Variants in PTPRZ1 observed in about 807,000 individuals in gnomAD.
PTPRZ1 encodes the protein protein tyrosine phosphatase receptor type Z1, also known as receptor-type tyrosine-protein phosphatase zeta.
PTPRZ1 carries 82 observed loss-of-function variants against 214.1 expected under a neutral mutation model. The ratio of observed to expected loss-of-function variants is 0.38; its 90% CI spans 0.32 to 0.46. The LOEUF is 0.46. PTPRZ1 is among the 20% of genes least tolerant of loss of function. The pLI, the probability that PTPRZ1 is intolerant of heterozygous loss-of-function variation, is 1.00. For synonymous variants in PTPRZ1, 945 were observed against 987.9 expected, an observed-to-expected ratio of 0.96 and a Z score of 0.81; for missense variants, 2,603 against 2,748.7, an observed-to-expected ratio of 0.95 and a Z score of 1.19.
At chr7:121,912,405 AC>A (rs1795305518) in intron 1 of PTPRZ1, among the ~76,000 whole-genome samples, 1 of 152,148 alleles carries the variant, frequency 6.6e-6, no homozygotes, top group Admixed American at 6.6e-5. Context: ...ATGAGCACTT[AC>A]TCTGTGTCTG....
chr7:121,990,434 T>C (rs1188789261), intron 8 of PTPRZ1, among the ~76,000 whole-genome samples: 1 of 151,490 alleles, frequency 6.6e-6, no homozygotes, highest in Non-Finnish European at 1.5e-5. Context: ...TTTGGCATCA[T>C]GGAATGGACA....
At chr7:121,960,828 G>A (rs897789784) in intron 2 of PTPRZ1, among the ~76,000 whole-genome samples, 4 of 151,908 alleles carry the variant, frequency 2.6e-5, no homozygotes, top group South Asian at 2.1e-4. Flanking sequence ...GTGGAGTAAC[G>A]TTTCCTCACA....
chr7:121,888,771 A>G (rs1237410949), intron 1 of PTPRZ1, among the ~76,000 whole-genome samples: 1 of 152,216 alleles, frequency 6.6e-6, no homozygotes, highest in Non-Finnish European at 1.5e-5. Flanking sequence ...AAGTAATTAC[A>G]GTGCTCAGAT....
intron 2 of PTPRZ1, among the ~76,000 whole-genome samples, chr7:121,935,890 G>T (rs962106244): frequency 3.3e-5 from 5 of 152,118 alleles, no homozygotes; most frequent in African/African-American, 1.2e-4. Context: ...TCTTTACTCA[G>T]TAGGGCTCTA....
At chr7:121,886,032 A>G (rs2116188537) in intron 1 of PTPRZ1, among the ~76,000 whole-genome samples, 1 of 152,272 alleles carries the variant, frequency 6.6e-6, no homozygotes, top group South Asian at 2.1e-4. Context: ...CTTAAATACA[A>G]GGGGAGTGCT....
In PTPRZ1 at chr7:122,040,987, T is replaced by C; in HGVS notation, c.5801+8T>C. 1.3e-6 allele frequency: 2 copies of C among 1,526,800 alleles called. No homozygotes were observed. The highest frequency in any genetic ancestry group is 8.9e-7 in the Non-Finnish European group (1 of 1,127,494). The allele number at this position is 1,526,800 out of a possible 1,614,324, so 94.6% of individuals were successfully genotyped here. On this transcript the variant is annotated splice_region_variant and intron_variant, in intron 21 of 29. Coordinates refer to ENST00000393386, the MANE Select transcript of PTPRZ1 (RefSeq NM_002851.3). ...TGTTGTCGTCCACTGCAGGTGAGTC[T>C]CAGAGATGTGCCTCTAAACCCATAG... is the stretch of plus-strand genomic sequence containing the variant.
chr7:121,993,572 C>CAAAAAA (rs66916301), intron 8 of PTPRZ1, among the ~76,000 whole-genome samples: 45 of 73,552 alleles, frequency 6.1e-4, no homozygotes, highest in East Asian at 1.5e-3. Flanking sequence ...GAGACTGTCT[C>CAAAAAA]AAAAAAAAAA....
At chr7:121,908,356 T>TGGGTGGTTG in intron 1 of PTPRZ1, 1 of 264,710 alleles carries the variant, frequency 3.8e-6, no homozygotes, top group Non-Finnish European at 7.4e-6. Context: ...TGTAGATCAA[T>TGGGTGGTTG]CCCTTTGGAA....
At chr7:121,965,922 T>C (rs1019473731) in intron 2 of PTPRZ1, among the ~76,000 whole-genome samples, 3 of 152,192 alleles carry the variant, frequency 2.0e-5, no homozygotes, top group African/African-American at 7.2e-5. Context: ...AAGGCTATAA[T>C]AGTGGCCTGA....
chr7:122,019,299 A>T, intron 13 of PTPRZ1, 31 bp downstream of exon 13: 1 of 1,583,472 alleles, frequency 6.3e-7, no homozygotes. Flanking sequence ...GGAAAATTTA[A>T]TTCATAAAAC....
chr7:121,972,643 C>T lies in PTPRZ1; in HGVS notation c.407C>T (p.Ser136Leu), dbSNP rs200072185. 6.2e-7 allele frequency: 1 copy of T among 1,613,348 alleles called. No individual in the cohort carries two copies. Among genetic ancestry groups the T allele is most frequent in the Non-Finnish European group, 8.5e-7 (1 of 1,179,610 alleles). Reference sequence around the variant, plus strand: ...TTTCACTGGGGAAAATGCAATATGTCATCTGATGGATCAGAGCATAGTTTA... The same window carrying T: ...TTTCACTGGGGAAAATGCAATATGTTATCTGATGGATCAGAGCATAGTTTA... ...ITFHWGKCNM[S>L]SDGSEHSLEG... is the part of the protein sequence containing the mutation. Residue 136 changes from serine (S) to leucine (L), a missense_variant, in exon 4 of 30, where the codon TCA (serine) becomes TTA (leucine). Ser to Leu is a moderately radical substitution (Grantham distance 145). This residue lies in a region of PTPRZ1 where 6 missense variants were observed against 22.8 expected (regional missense o/e 0.26). Coordinates refer to ENST00000393386, the MANE Select transcript of PTPRZ1 (RefSeq NM_002851.3).
chr7:121,905,162 C>CT (rs1200152353), intron 1 of PTPRZ1, among the ~76,000 whole-genome samples: 1 of 152,126 alleles, frequency 6.6e-6, no homozygotes, highest in East Asian at 1.9e-4. Flanking sequence ...TTGAGGAAGA[C>CT]TTTTTCTCTT....
chr7:121,887,252 G>T (rs138145191), intron 1 of PTPRZ1, among the ~76,000 whole-genome samples: 3 of 152,014 alleles, frequency 2.0e-5, no homozygotes, highest in Admixed American at 1.3e-4. Context: ...AATATTTGTG[G>T]CATAAATGAG....
At chr7:122,000,032 G>A (rs1798271640) in intron 10 of PTPRZ1, among the ~76,000 whole-genome samples, 1 of 152,074 alleles carries the variant, frequency 6.6e-6, no homozygotes, top group Admixed American at 6.6e-5. Flanking sequence ...GTAATGATGT[G>A]TTAGTAAAAG....
intron 8 of PTPRZ1, among the ~76,000 whole-genome samples, chr7:121,994,435 C>G (rs1321952962): frequency 6.6e-6 from 1 of 151,514 alleles, no homozygotes; most frequent in Non-Finnish European, 1.5e-5. Context: ...GCTGGGATTA[C>G]AGGCGCCCGC....
At position 121,983,971 on chromosome 7, in the gene PTPRZ1, C is replaced by T. The variant is rs1341961807; in HGVS notation, c.782C>T (p.Ala261Val). 5 of 1,610,448 alleles carry T rather than the reference C, an allele frequency of 3.1e-6. No homozygotes were observed. The highest frequency in any genetic ancestry group is 4.2e-6 in the Non-Finnish European group (5 of 1,178,498). The change falls in exon 8 of 30, where the codon GCT becomes GTT. Residue 261 changes from alanine to valine, a missense_variant. Ala to Val is a moderately conservative substitution (Grantham distance 64). Around this residue, in one of 6 missense-constraint regions of PTPRZ1, gnomAD observed 244 missense variants for 333.2 expected, o/e 0.73. Coordinates refer to ENST00000393386, the MANE Select transcript of PTPRZ1 (RefSeq NM_002851.3). The stretch of plus-strand genomic sequence containing the variant: ...ATTATTTGATCTTTTTTTCAGTTGG[C>T]TGTTTTTTGTGAAGTTCTTACAATG... ...DTVSISESQL[A>V]VFCEVLTMQQ...
At chr7:121,935,860 G>A (rs899811937) in intron 2 of PTPRZ1, among the ~76,000 whole-genome samples, 10 of 152,090 alleles carry the variant, frequency 6.6e-5, no homozygotes, top group African/African-American at 2.4e-4. Context: ...GAGCCACCTC[G>A]CAGAGCCTAC....
At chr7:121,896,945 A>G (rs191046202) in intron 1 of PTPRZ1, among the ~76,000 whole-genome samples, 2 of 151,974 alleles carry the variant, frequency 1.3e-5, no homozygotes, top group African/African-American at 4.8e-5. Flanking sequence ...GCTTTAATCT[A>G]TTTTTCCCTC....
rs754802723 is a variant in PTPRZ1 at position 121,928,151 on chromosome 7, T to C, written c.59-5T>C. The C allele has an allele frequency of 1.2e-6, 2 of 1,608,914 alleles. No individual in the cohort carries two copies. The highest frequency in any genetic ancestry group is 1.1e-5 in the South Asian group (1 of 90,566). The stretch of plus-strand genomic sequence containing the variant: ...TACTGATTACTTGGTTTTTCTTTTT[T>C]ATAGATTGGGCTAATGGATACTACA... On this transcript the variant is annotated splice_region_variant and splice_polypyrimidine_tract_variant and intron_variant, in intron 1 of 29. Coordinates refer to ENST00000393386, the MANE Select transcript of PTPRZ1 (RefSeq NM_002851.3).
Sources: allele counts gnomAD v4.1 joint callset (sites outside exome capture counted in the v4.1 genomes callset), GRCh38; gene constraint gnomAD v4.1.1; regional missense constraint gnomAD v4.1.1; transcripts MANE v1.5; gene names NCBI Gene and HGNC (gene_info 2026-07-23, HGNC 2026-07-21).